Variants in SLC1A1 observed in about 807,000 individuals in gnomAD.
SLC1A1 encodes the protein excitatory amino acid transporter 3.
Under a neutral mutation model 53.3 loss-of-function variants are expected in SLC1A1, and 43 were observed. The observed-to-expected ratio is 0.81, with a 90% CI of 0.63 to 1.04. SLC1A1 has a LOEUF of 1.04. Among genes scored for constraint, SLC1A1 ranks in the 50% least tolerant of loss-of-function variants. The pLI is 0.00. For missense variants in SLC1A1, 748 were observed against 664.9 expected, an observed-to-expected ratio of 1.12 and a Z score of -1.37; for synonymous variants, 307 against 243.2, an observed-to-expected ratio of 1.26 and a Z score of -2.44.
At chr9:4,581,432 C>A (rs1821089011) in intron 10 of SLC1A1, among the ~76,000 whole-genome samples, 1 of 152,236 alleles carries the variant, frequency 6.6e-6, no homozygotes, top group African/African-American at 2.4e-5. Flanking sequence ...CAATGCCAGT[C>A]AAACAGCAGT....
chr9:4,515,334 T>C (rs546492585), intron 1 of SLC1A1, among the ~76,000 whole-genome samples: 1 of 152,260 alleles, frequency 6.6e-6, no homozygotes, highest in African/African-American at 2.4e-5. Flanking sequence ...GTATCAGATA[T>C]TCTATAGGCC....
At chr9:4,584,508 G>T (rs1821407700) in intron 11 of SLC1A1, among the ~76,000 whole-genome samples, 1 of 152,194 alleles carries the variant, frequency 6.6e-6, no homozygotes, top group Non-Finnish European at 1.5e-5. Flanking sequence ...CCCTGGACTT[G>T]TTCTAAATAA....
At chr9:4,540,538 G>A (rs115827236) in intron 1 of SLC1A1, among the ~76,000 whole-genome samples, 2,451 of 152,320 alleles carry the variant, frequency 0.016, 71 homozygotes, top group African/African-American at 0.057. Flanking sequence ...TGGGCCTTCA[G>A]GGGTAATGGG....
At chr9:4,573,871 T>G in intron 7 of SLC1A1, 36 bp from the exon 8 acceptor site, 2 of 1,416,274 alleles carry the variant, frequency 1.4e-6, no homozygotes, top group Non-Finnish European at 2.0e-6. Flanking sequence ...AAGCACTTGA[T>G]GACGGAATCA....
At chr9:4,541,110 G>C (rs992259211) in intron 1 of SLC1A1, among the ~76,000 whole-genome samples, 1 of 152,186 alleles carries the variant, frequency 6.6e-6, no homozygotes. Flanking sequence ...CAGGTACTTA[G>C]TTTACTTTTG....
At position 4,576,735 on chromosome 9, in the gene SLC1A1, T is replaced by C; in HGVS notation, c.1165T>C (p.Leu389=). Residue 389 remains leucine (L), a synonymous_variant, in exon 10 of 12, where the codon TTG becomes CTG. Transcript: ENST00000262352. ...TATTGCACAGTTGAATGACCTGGAC[T>C]TGGGCATTGGGCAGATCATCACCAT... ...VFIAQLNDLD[L]GIGQIITISI... is the part of the protein sequence containing the mutation. 6.2e-7 allele frequency: 1 copy of C among 1,614,146 alleles called. No individual in the cohort carries two copies. The highest frequency in any genetic ancestry group is 1.1e-5 in the South Asian group (1 of 91,086).
Position 4,533,234 on chromosome 9 carries a change from G to A in SLC1A1, c.92-11333G>A, listed in dbSNP as rs573012575. On this transcript the variant is annotated intron_variant, in intron 1 of 11. Coordinates refer to ENST00000262352, the MANE Select transcript of SLC1A1 (RefSeq NM_004170.6). ...AGCAATATTAACCTTAAATGTAAATGGGCTAAATGCTCCAATTAAAAGACA... is the reference window on the plus strand; with the variant it reads ...AGCAATATTAACCTTAAATGTAAATAGGCTAAATGCTCCAATTAAAAGACA... Among the ~76,000 whole-genome samples, 10 of 152,234 alleles carry A rather than the reference G, an allele frequency of 6.6e-5. No homozygotes were observed. In the East Asian group the frequency reaches 1.9e-3, roughly 30 times the overall value.
chr9:4,504,367 G>T (rs1292766296), intron 1 of SLC1A1, among the ~76,000 whole-genome samples: 1 of 152,094 alleles, frequency 6.6e-6, no homozygotes, highest in African/African-American at 2.4e-5. Flanking sequence ...TTCTCTCCCT[G>T]TCTGGAGATT....
In SLC1A1 at chr9:4,493,358, G is replaced by T. The variant is rs79931819; in HGVS notation, c.91+2588G>T. On this transcript the variant is annotated intron_variant, in intron 1 of 11. Coordinates refer to ENST00000262352, the MANE Select transcript of SLC1A1 (RefSeq NM_004170.6). ...CTTGTTTGTGTAGTCTGTAAGGGCT[G>T]ATTTGTTTAATTGACAGTGAAATTC... 3.8e-3 allele frequency among the ~76,000 whole-genome samples: 577 copies of T among 152,296 alleles called. 3 individuals are homozygous for T. Among genetic ancestry groups the T allele is most frequent in the Middle Eastern group, 0.031 (9 of 294 alleles).
At chr9:4,502,090 T>C (rs1820649942) in intron 1 of SLC1A1, among the ~76,000 whole-genome samples, 1 of 151,482 alleles carries the variant, frequency 6.6e-6, no homozygotes, top group South Asian at 2.1e-4. Context: ...TCATTTAAGA[T>C]TTCCCCAAAT....
intron 1 of SLC1A1, among the ~76,000 whole-genome samples, chr9:4,520,324 C>G (rs891592487): frequency 3.3e-5 from 5 of 152,206 alleles, no homozygotes; most frequent in African/African-American, 1.2e-4. Flanking sequence ...ACTGTGATGT[C>G]AGCAGCTTTC....
At chr9:4,518,775 G>A (rs1197254763) in intron 1 of SLC1A1, among the ~76,000 whole-genome samples, 1 of 152,168 alleles carries the variant, frequency 6.6e-6, no homozygotes, top group Non-Finnish European at 1.5e-5. Flanking sequence ...CACTCCCTGA[G>A]GGGAGAGGCA....
chr9:4,553,516 GCCA>G, intron 2 of SLC1A1: 1 of 152,198 alleles, frequency 6.6e-6, no homozygotes, highest in East Asian at 1.9e-4. Context: ...ATAGGTGTGT[GCCA>G]CCACCACCGG....
At chr9:4,515,574 C>A (rs1344710344) in intron 1 of SLC1A1, among the ~76,000 whole-genome samples, 2 of 151,854 alleles carry the variant, frequency 1.3e-5, no homozygotes, top group Non-Finnish European at 2.9e-5. Context: ...GTGTGCTGCC[C>A]AAGAAGAGGG....
chr9:4,533,887 AACTCAGGATTGAGAAACTC>A (rs1816571872), intron 1 of SLC1A1, among the ~76,000 whole-genome samples: 1 of 152,232 alleles, frequency 6.6e-6, no homozygotes, highest in Non-Finnish European at 1.5e-5. Context: ...ATCAAACTAG[AACTCAGGATTGAGAAACTC>A]ACTCAAAACC....
At chr9:4,522,831 A>G (rs1816130102) in intron 1 of SLC1A1, among the ~76,000 whole-genome samples, 1 of 152,052 alleles carries the variant, frequency 6.6e-6, no homozygotes, top group African/African-American at 2.4e-5. Flanking sequence ...TGATCCAATC[A>G]CCTTCCACCA....
Position 4,544,678 on chromosome 9 carries a change from TG to T in SLC1A1, c.204del (p.Leu68PhefsTer3), listed in dbSNP as rs1343090125. 6.2e-7 allele frequency: 1 copy of T among 1,613,740 alleles called. No individual in the cohort carries two copies. Among genetic ancestry groups the T allele is most frequent in the Admixed American group, 1.7e-5 (1 of 60,028 alleles). On this transcript the variant is annotated frameshift_variant, in exon 2 of 12. Coordinates refer to ENST00000262352, the MANE Select transcript of SLC1A1 (RefSeq NM_004170.6). LOFTEE classifies it high-confidence loss of function. ...ATGCGGATGCTGAAACTCATCATTT[TG>T]CCATTAATTATATCCAGCATGATTA... is the stretch of plus-strand genomic sequence containing the variant. ...ILMRMLKLII[L>X]PLIISSMITG...
rs746899229 is a variant in SLC1A1, at chr9:4,490,690, C to T, written c.11C>T (p.Pro4Leu). The T allele has an allele frequency of 8.7e-6, 14 of 1,612,558 alleles. No homozygotes were observed. In the Middle Eastern group the frequency reaches 4.9e-4, roughly 57 times the overall value. The change falls in exon 1 of 12, where the codon CCG (proline) becomes CTG (leucine). Residue 4 changes from proline to leucine, a missense_variant. Pro to Leu is a moderately conservative substitution (Grantham distance 98). Transcript: ENST00000262352. Reference protein sequence around the residue: MGKPARKGCEWKRF... With the variant: MGKLARKGCEWKRF... ...ATAGCGGCGACAGCCATGGGGAAAC[C>T]GGCGAGGAAAGGATGCGAGTGGAAG...
chr9:4,502,234 A>G (rs1820656127), intron 1 of SLC1A1, among the ~76,000 whole-genome samples: 2 of 150,928 alleles, frequency 1.3e-5, no homozygotes, highest in Non-Finnish European at 2.9e-5. Flanking sequence ...AAATAATACA[A>G]AAATTAACCA....
Sources: gnomAD v4.1 joint callset for allele counts (sites outside exome capture counted in the v4.1 genomes callset) on GRCh38, gnomAD v4.1.1 for gene constraint, MANE v1.5 for transcripts, NCBI Gene and HGNC (gene_info 2026-07-23, HGNC 2026-07-21) for gene names.